Variants in SRSF7 observed in about 807,000 individuals in gnomAD.
The protein encoded by SRSF7 is serine/arginine-rich splicing factor 7.
Under a neutral mutation model 42.2 loss-of-function variants are expected in SRSF7, and 15 were observed. That is an observed-to-expected ratio of 0.36 (90% CI 0.24 to 0.55). The LOEUF is 0.55. Ranked by LOEUF, SRSF7 falls within the 20% of genes least tolerant of loss-of-function variation. The pLI, the probability that SRSF7 is intolerant of heterozygous loss-of-function variation, is 0.88. For missense variants in SRSF7, 181 were observed against 305.9 expected, an observed-to-expected ratio of 0.59 and a Z score of 3.04; for synonymous variants, 138 against 107.9, an observed-to-expected ratio of 1.28 and a Z score of -1.73.
At position 38,743,989 on chromosome 2, in the gene SRSF7, T is replaced by G; in HGVS notation, c.*1144A>C. The G allele has an allele frequency of 6.6e-6, 1 of 152,164 alleles. No homozygotes were observed. The highest frequency in any genetic ancestry group is 1.9e-4 in the East Asian group (1 of 5,198). The allele number at this position is 152,164 out of a possible 1,614,324, so 9.4% of individuals were successfully genotyped here. A position where few individuals can be genotyped will look rare whatever the true frequency, so the allele number is the denominator to read the frequency against. Reference sequence around the variant, plus strand: ...GTAACTGTTACTGCCCTACTATTCTTAAGATACTTAAAATTTGAATAAAGA... The same window carrying G: ...GTAACTGTTACTGCCCTACTATTCTGAAGATACTTAAAATTTGAATAAAGA... On this transcript the variant is annotated 3_prime_UTR_variant, in exon 8 of 8. Transcript: ENST00000313117.
At chr2:38,751,203 T>A (rs1668302353) in intron 1 of SRSF7, 26 bp downstream of exon 1, 8 of 1,613,664 alleles carry the variant, frequency 5.0e-6, no homozygotes, top group Non-Finnish European at 6.8e-6. Flanking sequence ...CACACCAACG[T>A]CCCTCACCGG....
At chr2:38,750,626 C>A (rs1006540106) in intron 1 of SRSF7, among the ~76,000 whole-genome samples, 1 of 152,000 alleles carries the variant, frequency 6.6e-6, no homozygotes, top group Admixed American at 6.5e-5. Flanking sequence ...CGGCAAACGT[C>A]CCAGGCACAG....
In SRSF7 at chr2:38,746,704, G is replaced by A; in HGVS notation, c.616C>T (p.Pro206Ser). 6.2e-7 allele frequency: 1 copy of A among 1,613,646 alleles called. No homozygotes were observed. The highest frequency in any genetic ancestry group is 2.2e-5 in the East Asian group (1 of 44,874). The part of the protein sequence containing the change: ...SRSRSRSISR[P>S]RSSRSKSRSP... ...AAATTTTTACCCTACCTGCTTCTTG[G>A]TCGTGAAATAGACCTGGATCTTGAT... Residue 206 changes from proline (P) to serine (S), a missense_variant, in exon 6 of 8, where the codon CCA (proline) becomes TCA (serine). This residue lies in a region of SRSF7 where 136 missense variants were observed against 147.8 expected (regional missense o/e 0.92). Transcript: ENST00000313117.
rs1667395344 is a variant in SRSF7 at position 38,746,248 on chromosome 2, C to CCGT, written c.627-72_627-70dup. On this transcript the variant is annotated intron_variant, in intron 6 of 7. Coordinates refer to ENST00000313117, the MANE Select transcript of SRSF7 (RefSeq NM_001031684.3). ...AATCCCTTTCTTGTAGTCACCAATA[C>CCGT]CGTAAAACCCCCAAATGTCCTAAGC... 9.8e-6 allele frequency: 15 copies of CCGT among 1,523,312 alleles called. No individual in the cohort carries two copies. In the East Asian group the frequency reaches 3.4e-4, roughly 34 times the overall value. The allele number at this position is 1,523,312 out of a possible 1,614,324, so 94.4% of individuals were successfully genotyped here. A position where few individuals can be genotyped will look rare whatever the true frequency, so the allele number is the denominator to read the frequency against.
Position 38,744,147 on chromosome 2 carries a change from T to C in SRSF7, c.*986A>G. On this transcript the variant is annotated 3_prime_UTR_variant, in exon 8 of 8. Transcript: ENST00000313117. The stretch of plus-strand genomic sequence containing the variant: ...CATTGACATTTCTGATTGACATCTT[T>C]AATTACTTTGCACCAGCCTGGCAAA... 3.3e-5 allele frequency: 5 copies of C among 152,586 alleles called. No individual in the cohort carries two copies. The highest frequency in any genetic ancestry group is 1.2e-4 in the African/African-American group (5 of 41,440). 9.5% of individuals were successfully genotyped at this position (152,586 alleles called of 1,614,324 possible).
chr2:38,751,321 T>TGACACACAC lies in SRSF7; in HGVS notation c.-74_-66dup. 1 of 1,610,128 alleles carries TGACACACAC rather than the reference T, an allele frequency of 6.2e-7. No individual in the cohort carries two copies. The highest frequency in any genetic ancestry group is 8.5e-7 in the Non-Finnish European group (1 of 1,177,232). The stretch of plus-strand genomic sequence containing the variant: ...CCCAGGGCTCGAGTGACGCAAAAGC[T>TGACACACAC]GACACACACCTTCACCCGCCAAGAG... On this transcript the variant is annotated 5_prime_UTR_variant, in exon 1 of 8. Coordinates refer to ENST00000313117, the MANE Select transcript of SRSF7 (RefSeq NM_001031684.3).
At chr2:38,747,705 G>A (rs574761277) in intron 5 of SRSF7, among the ~76,000 whole-genome samples, 1 of 152,170 alleles carries the variant, frequency 6.6e-6, no homozygotes, top group Non-Finnish European at 1.5e-5. Context: ...GTGCTAATAG[G>A]CCTTTTTGTC....
intron 1 of SRSF7, among the ~76,000 whole-genome samples, chr2:38,750,557 G>A (rs1253151600): frequency 1.3e-5 from 2 of 151,850 alleles, no homozygotes; most frequent in Non-Finnish European, 2.9e-5. Flanking sequence ...GTCGGCGGCG[G>A]GAGGGCCTCG....
intron 1 of SRSF7, 178 bp downstream of exon 1, chr2:38,751,051 C>T: frequency 1.4e-6 from 1 of 730,846 alleles, no homozygotes. Flanking sequence ...AGATGTACAC[C>T]CGCCATCCCG....
rs764786189 is a variant in SRSF7 at position 38,751,212 on chromosome 2, G to A, written c.28+17C>T. 1.9e-6 allele frequency: 3 copies of A among 1,613,934 alleles called. No individual in the cohort carries two copies. The highest frequency in any genetic ancestry group is 1.1e-5 in the South Asian group (1 of 91,068). ...TACACCCACACCAACGTCCCTCACC[G>A]GACTCCAGCTTCTTACCTCCTCCGT... On this transcript the variant is annotated intron_variant, in intron 1 of 7. Transcript: ENST00000313117.
At chr2:38,748,797 AGTATTT>A in intron 3 of SRSF7, 144 bp from the exon 4 acceptor site, 1 of 1,178,964 alleles carries the variant, frequency 8.5e-7, no homozygotes, top group Non-Finnish European at 1.2e-6. Flanking sequence ...TTAGTTGTTG[AGTATTT>A]TTTTTTTTAC....
At chr2:38,746,083 A>G in intron 7 of SRSF7, 61 bp downstream of exon 7, 1 of 1,588,096 alleles carries the variant, frequency 6.3e-7, no homozygotes, top group Non-Finnish European at 8.6e-7. Context: ...GCAGTAAGCA[A>G]ACAAATTCTG....
intron 1 of SRSF7, among the ~76,000 whole-genome samples, chr2:38,750,666 A>G (rs1668187337): frequency 6.7e-6 from 1 of 148,530 alleles, no homozygotes; most frequent in Non-Finnish European, 1.5e-5. Context: ...TCCCCGCCCC[A>G]GAGCCATAAA....
intron 7 of SRSF7, among the ~76,000 whole-genome samples, 182 bp from the exon 8 acceptor site, chr2:38,745,369 C>G (rs553504887): frequency 5.3e-5 from 8 of 152,266 alleles, no homozygotes; most frequent in African/African-American, 1.9e-4. Flanking sequence ...TTAGGCTACC[C>G]TGGCCAGGCA....
rs368229279 is a variant in SRSF7, at chr2:38,748,518, T to G, written c.461+61A>C. The G allele has an allele frequency of 4.6e-6, 7 of 1,537,440 alleles. No homozygotes were observed. In the East Asian group the frequency reaches 1.3e-4, roughly 30 times the overall value. On this transcript the variant is annotated intron_variant, in intron 4 of 7. Transcript: ENST00000313117. ...CAAAAAAAATAATGAGCTTTTTCTG[T>G]GTTGGACTACCAGTGAATTTAATAA... is the stretch of plus-strand genomic sequence containing the variant.
chr2:38,746,607 T>G, intron 6 of SRSF7, 87 bp downstream of exon 6: 1 of 1,581,126 alleles, frequency 6.3e-7, no homozygotes, highest in Non-Finnish European at 8.6e-7. Context: ...GAGTTAACAC[T>G]TAAAATTTCA....
At position 38,748,099 on chromosome 2, in the gene SRSF7, C is replaced by A; in HGVS notation, c.520G>T (p.Ala174Ser). 6.2e-7 allele frequency: 1 copy of A among 1,614,056 alleles called. No homozygotes were observed. The highest frequency in any genetic ancestry group is 8.5e-7 in the Non-Finnish European group (1 of 1,179,952). Reference protein sequence around the residue: ...RSISLRRSRSASLRRSRSGSI... With the variant: ...RSISLRRSRSSSLRRSRSGSI... ...CCAGACCTAGATCTTCTGAGTGAAG[C>A]TGATCTTGATCTACGAAGAGAGATA... Residue 174 changes from alanine (A) to serine (S), a missense_variant, in exon 5 of 8, where the codon GCT becomes TCT. Physicochemically the swap from Ala to Ser is moderately conservative, Grantham distance 99. Around this residue, in one of 2 missense-constraint regions of SRSF7, gnomAD observed 136 missense variants for 147.8 expected, o/e 0.92. Coordinates refer to ENST00000313117, the MANE Select transcript of SRSF7 (RefSeq NM_001031684.3).
Position 38,751,323 on chromosome 2 carries a change from A to G in SRSF7, c.-67T>C. ...CAGGGCTCGAGTGACGCAAAAGCTG[A>G]CACACACCTTCACCCGCCAAGAGTC... is the stretch of plus-strand genomic sequence containing the variant. On this transcript the variant is annotated 5_prime_UTR_variant, in exon 1 of 8. Coordinates refer to ENST00000313117, the MANE Select transcript of SRSF7 (RefSeq NM_001031684.3). 25 of 1,608,858 alleles carry G rather than the reference A, an allele frequency of 1.6e-5. No homozygotes were observed. The Admixed American group carries it at 2.3e-4, about 15-fold the overall frequency.
At chr2:38,747,563 G>A (rs1381329892) in intron 5 of SRSF7, among the ~76,000 whole-genome samples, 10 of 151,314 alleles carry the variant, frequency 6.6e-5, no homozygotes, top group Admixed American at 5.3e-4. Context: ...GGTCTGAAAC[G>A]GTCTAAAAAA....
Sources: allele counts gnomAD v4.1 joint callset (sites outside exome capture counted in the v4.1 genomes callset), GRCh38; gene constraint gnomAD v4.1.1; regional missense constraint gnomAD v4.1.1; transcripts MANE v1.5; gene names NCBI Gene and HGNC (gene_info 2026-07-23, HGNC 2026-07-21).